Variants in ZNF180 observed in about 807,000 individuals in gnomAD.
The protein encoded by ZNF180 is zinc finger protein 180 (HHZ168).
A neutral mutation model predicts 11.8 loss-of-function variants in ZNF180; 11 were observed. That is an observed-to-expected ratio of 0.93 (90% CI 0.59 to 1.55). The LOEUF is 1.55. Among genes scored for constraint, ZNF180 ranks in the 40% most tolerant of loss-of-function variants. The probability of loss-of-function intolerance (pLI) is 0.00; values close to 1 mark genes in which losing one functional copy is unlikely to be tolerated. For synonymous variants in ZNF180, 287 were observed against 257.7 expected, an observed-to-expected ratio of 1.11 and a Z score of -1.09; for missense variants, 773 against 781.7, an observed-to-expected ratio of 0.99 and a Z score of 0.13.
intron 2 of ZNF180, among the ~76,000 whole-genome samples, chr19:44,490,954 TTTCATATC>T (rs1970435416): frequency 6.6e-6 from 1 of 152,242 alleles, no homozygotes; most frequent in South Asian, 2.1e-4. Flanking sequence ...TTTACCCTGC[TTTCATATC>T]TTCACATCAC....
At chr19:44,487,158 T>C (rs1311286236) in intron 2 of ZNF180, among the ~76,000 whole-genome samples, 2 of 152,190 alleles carry the variant, frequency 1.3e-5, no homozygotes, top group Non-Finnish European at 2.9e-5. Context: ...GAGGTCAAGG[T>C]ATAAGTGTGT....
At position 44,476,407 on chromosome 19, in the gene ZNF180, TAC is replaced by T. The variant is rs770682288; in HGVS notation, c.1991_1992del (p.Cys664Ter). The T allele has an allele frequency of 9.0e-6, 14 of 1,560,842 alleles. No individual in the cohort carries two copies. In the South Asian group the frequency reaches 1.3e-4, roughly 15 times the overall value. Reference protein sequence around the residue: ...ATHTEEKLYECN With the variant: ...ATHTEEKLYEXN ...AATCCCAGCTGATTTACAAACTAGTTACATTCATAGAGTTTCTCTTCAGTATG... is the reference window on the plus strand; with the variant it reads ...AATCCCAGCTGATTTACAAACTAGTTATTCATAGAGTTTCTCTTCAGTATG... On this transcript the variant is annotated frameshift_variant, in exon 5 of 5. Transcript: ENST00000592529. LOFTEE classifies it high-confidence loss of function.
intron 3 of ZNF180, among the ~76,000 whole-genome samples, chr19:44,480,273 T>C (rs1469214630): frequency 6.6e-6 from 1 of 152,120 alleles, no homozygotes; most frequent in African/African-American, 2.4e-5. Flanking sequence ...GCTTGGCTAA[T>C]TTTTAAAATT....
intron 3 of ZNF180, among the ~76,000 whole-genome samples, chr19:44,483,335 T>C (rs1367036745): frequency 6.6e-6 from 1 of 152,192 alleles, no homozygotes; most frequent in Non-Finnish European, 1.5e-5. Context: ...CTTTGGAGTG[T>C]CCACTCCATA....
chr19:44,490,044 AGGGAAGGGAAAGAGGGAAAGGAAG>A (rs1970400642), intron 2 of ZNF180, among the ~76,000 whole-genome samples: 7 of 131,598 alleles, frequency 5.3e-5, no homozygotes, highest in Non-Finnish European at 9.9e-5. Context: ...GAAAGAGGGA[AGGGAAGGGAAAGAGGGAAAGGAAG>A]GGAAAGAAAG....
chr19:44,479,247 T>C, intron 4 of ZNF180, 36 bp downstream of exon 4: 1 of 1,598,796 alleles, frequency 6.3e-7, no homozygotes. Context: ...ATCATTTCAG[T>C]AGATGGATCT....
chr19:44,494,102 T>C (rs1442633994), intron 2 of ZNF180, among the ~76,000 whole-genome samples: 7 of 152,234 alleles, frequency 4.6e-5, no homozygotes, highest in Non-Finnish European at 8.8e-5. Flanking sequence ...TGTTTTTGCT[T>C]TCCCTATGTA....
chr19:44,490,639 C>T (rs1286811132), intron 2 of ZNF180, among the ~76,000 whole-genome samples: 7 of 151,898 alleles, frequency 4.6e-5, no homozygotes, highest in Admixed American at 4.6e-4. Context: ...TAATATCACA[C>T]TCTGTTAATT....
intron 3 of ZNF180, among the ~76,000 whole-genome samples, chr19:44,482,258 T>C (rs927209958): frequency 6.6e-6 from 1 of 152,182 alleles, no homozygotes; most frequent in African/African-American, 2.4e-5. Flanking sequence ...CAGTGAGCCA[T>C]GATCACACCA....
At chr19:44,478,174 A>T in intron 4 of ZNF180, 28 bp from the exon 5 acceptor site, 2 of 1,508,518 alleles carry the variant, frequency 1.3e-6, no homozygotes, top group Non-Finnish European at 8.8e-7. Flanking sequence ...AAGACATCTT[A>T]GTCAAAAAAT....
intron 2 of ZNF180, among the ~76,000 whole-genome samples, chr19:44,491,545 C>T (rs1970450481): frequency 6.6e-6 from 1 of 151,716 alleles, no homozygotes; most frequent in Non-Finnish European, 1.5e-5. Context: ...AGTACTTCAA[C>T]ACAGAATTTC....
At chr19:44,479,560 T>C (rs1970025895) in intron 3 of ZNF180, 151 bp from the exon 4 acceptor site, 2 of 1,002,208 alleles carry the variant, frequency 2.0e-6, no homozygotes, top group Admixed American at 2.6e-5. Context: ...AGTCAAGATG[T>C]ACAGGTGCCT....
rs759577618 is a variant in ZNF180, at chr19:44,477,721, G to T, written c.679C>A (p.Pro227Thr). The T allele has an allele frequency of 2.5e-6, 4 of 1,613,902 alleles. No individual in the cohort carries two copies. The Admixed American group carries it at 6.7e-5, about 27-fold the overall frequency. ...TLYENNECGK[P>T]PQSIHLIQFT... ...TGAATAAGGTGAATGCTCTGAGGGG[G>T]TTTTCCACATTCATTATTTTCATAT... The change falls in exon 5 of 5, where the codon CCC (proline) becomes ACC (threonine). Residue 227 changes from proline to threonine, a missense_variant. Transcript: ENST00000592529.
At chr19:44,491,779 T>C (rs1180379134) in intron 2 of ZNF180, among the ~76,000 whole-genome samples, 2 of 152,160 alleles carry the variant, frequency 1.3e-5, no homozygotes, top group Non-Finnish European at 2.9e-5. Flanking sequence ...AGTTTCACTA[T>C]GTTGCTCAGG....
chr19:44,479,019 G>C (rs1970007018), intron 4 of ZNF180, among the ~76,000 whole-genome samples: 1 of 152,210 alleles, frequency 6.6e-6, no homozygotes, highest in South Asian at 2.1e-4. Context: ...AGTTTTCAAA[G>C]CTGGGGACAA....
rs878862678 is a variant in ZNF180 at position 44,476,520 on chromosome 19, G to C, written c.1880C>G (p.Thr627Ser). 6.2e-7 allele frequency: 1 copy of C among 1,614,114 alleles called. No individual in the cohort carries two copies. The highest frequency in any genetic ancestry group is 8.5e-7 in the Non-Finnish European group (1 of 1,180,002). ...TGTAAAGGGTTTCTCTCCAGTATGAGTTCTTTGATGCACAATAAGTCGAGC... is the reference window on the plus strand; with the variant it reads ...TGTAAAGGGTTTCTCTCCAGTATGACTTCTTTGATGCACAATAAGTCGAGC... ...LSARLIVHQR[T>S]HTGEKPFTCI... The change falls in exon 5 of 5, where the codon ACT (threonine) becomes AGT (serine). Residue 627 changes from threonine to serine, a missense_variant. By Grantham distance (58) the Thr-to-Ser change is moderately conservative. Coordinates refer to ENST00000592529, the MANE Select transcript of ZNF180 (RefSeq NM_001278509.3).
At chr19:44,489,899 AAGAG>A (rs947197333) in intron 2 of ZNF180, among the ~76,000 whole-genome samples, 3 of 125,916 alleles carry the variant, frequency 2.4e-5, no homozygotes, top group Admixed American at 1.9e-4. Context: ...GAGAGAAAGA[AAGAG>A]AGAAAAGAAA....
chr19:44,476,662 A>G lies in ZNF180; in HGVS notation c.1738T>C (p.Cys580Arg). ...RTHTGEKPYE[C>R]SQCGKSFRQS... is the part of the protein sequence containing the mutation. ...CTGAAGGACTTCCCACATTGACTGC[A>G]TTCATAGGGCTTTTCTCCAGTATGA... Residue 580 changes from cysteine (C) to arginine (R), a missense_variant, in exon 5 of 5, where the codon TGC becomes CGC. Coordinates refer to ENST00000592529, the MANE Select transcript of ZNF180 (RefSeq NM_001278509.3). The G allele has an allele frequency of 1.9e-6, 3 of 1,614,212 alleles. No homozygotes were observed. Among genetic ancestry groups the G allele is most frequent in the Non-Finnish European group, 2.5e-6 (3 of 1,180,008 alleles).
rs2253563 is a variant in ZNF180, at chr19:44,479,350, G to C, written c.186C>G (p.Cys62Trp). 893,319 of 1,613,584 alleles carry C rather than the reference G, an allele frequency of 0.55. 250,771 individuals are homozygous for C. The highest frequency in any genetic ancestry group is 0.69 in the South Asian group (62,584 of 91,056). The stretch of plus-strand genomic sequence containing the variant: ...TGTCCAGGGTCCTCTGAGCAGGGTT[G>C]CAAGTACCCTGTTCCTCCCGTGTGA... ...VDFTREEQGT[C>W]NPAQRTLDRD... The change falls in exon 4 of 5, where the codon TGC (cysteine) becomes TGG (tryptophan). Residue 62 changes from cysteine to tryptophan, a missense_variant. By Grantham distance (215) the Cys-to-Trp change is radical (BLOSUM62 -2). Coordinates refer to ENST00000592529, the MANE Select transcript of ZNF180 (RefSeq NM_001278509.3).
Sources: allele counts gnomAD v4.1 joint callset (sites outside exome capture counted in the v4.1 genomes callset), GRCh38; gene constraint gnomAD v4.1.1; transcripts MANE v1.5; gene names NCBI Gene and HGNC (gene_info 2026-07-23, HGNC 2026-07-21).